ERC1: variants seen among roughly 807,000 people sequenced by gnomAD.
ERC1 encodes the protein ELKS/RAB6-interacting/CAST family member 1.
In ERC1, 56 loss-of-function variants were observed where a neutral mutation model predicts 132.0. That is an observed-to-expected ratio of 0.42 (90% CI 0.34 to 0.53). The LOEUF (loss-of-function observed/expected upper bound fraction) is 0.53, where lower values mean the gene tolerates loss of function less well. Among genes scored for constraint, ERC1 ranks in the 20% least tolerant of loss-of-function variants. ERC1 has a pLI of 0.03. For synonymous variants in ERC1, 478 were observed against 476.1 expected (o/e 1.00, Z -0.05); for missense variants, 1,202 against 1,349.9 (o/e 0.89, Z 1.72).
chr12:1,317,481 C>T (rs1260520579), intron 15 of ERC1, among the ~76,000 whole-genome samples: 1 of 152,102 alleles, frequency 6.6e-6, no homozygotes, highest in African/African-American at 2.4e-5. Flanking sequence ...AGCAAACCAC[C>T]ATGGCACATG....
At chr12:1,126,393 A>G (rs1042575450) in intron 7 of ERC1, among the ~76,000 whole-genome samples, 1 of 152,198 alleles carries the variant, frequency 6.6e-6, no homozygotes, top group African/African-American at 2.4e-5. Context: ...ACTAGTGCAA[A>G]ATTAAGCAAG....
chr12:1,473,314 A>G (rs991636992), intron 18 of ERC1, among the ~76,000 whole-genome samples: 1 of 152,218 alleles, frequency 6.6e-6, no homozygotes, highest in Non-Finnish European at 1.5e-5. Context: ...GGTGTGAGCC[A>G]CTGCGCCCGG....
rs1206901849 is a variant in ERC1, at chr12:1,000,062, C to A, written c.-157+8740C>A. Among the ~76,000 whole-genome samples, 3 of 152,142 alleles carry A rather than the reference C, an allele frequency of 2.0e-5. 1 individual carries two copies. The highest frequency in any genetic ancestry group is 7.2e-5 in the African/African-American group (3 of 41,432). On this transcript the variant is annotated intron_variant, in intron 1 of 18. Coordinates refer to ENST00000360905, the MANE Select transcript of ERC1 (RefSeq NM_178040.4). Reference sequence around the variant, plus strand: ...AAGAATGAAACTAAACACCTGTATTCTTTTTAACTTTATTATGGTGTGCTA... The same window carrying A: ...AAGAATGAAACTAAACACCTGTATTATTTTTAACTTTATTATGGTGTGCTA...
intron 18 of ERC1, among the ~76,000 whole-genome samples, chr12:1,473,281 C>T (rs1384839644): frequency 6.6e-6 from 1 of 152,186 alleles, no homozygotes; most frequent in Non-Finnish European, 1.5e-5. Flanking sequence ...CCCACCTTGG[C>T]CTCCCAAAGT....
At chr12:1,487,998 C>T (rs937870350) in intron 18 of ERC1, among the ~76,000 whole-genome samples, 20 of 151,858 alleles carry the variant, frequency 1.3e-4, no homozygotes, top group Admixed American at 7.2e-4. Context: ...ATTAGCTGGG[C>T]GTGGTAGCAG....
chr12:1,361,889 A>G (rs1197722318), intron 15 of ERC1, among the ~76,000 whole-genome samples: 3 of 152,050 alleles, frequency 2.0e-5, no homozygotes, highest in Non-Finnish European at 4.4e-5. Context: ...GACCTTCTTT[A>G]GAGCCATGGG....
At chr12:1,019,330 G>C (rs1037083916) in intron 1 of ERC1, among the ~76,000 whole-genome samples, 1 of 152,136 alleles carries the variant, frequency 6.6e-6, no homozygotes, top group African/African-American at 2.4e-5. Flanking sequence ...TTGCCATGTT[G>C]CCCAGGCCAG....
At chr12:1,180,282 T>TGCGC (rs112331784) in intron 8 of ERC1, among the ~76,000 whole-genome samples, 9 of 144,214 alleles carry the variant, frequency 6.2e-5, no homozygotes, top group African/African-American at 2.3e-4. Context: ...TGTGTGTGTG[T>TGCGC]GCGCGCACGC....
chr12:1,029,905 G>A (rs1000332107), intron 2 of ERC1, among the ~76,000 whole-genome samples: 1 of 151,876 alleles, frequency 6.6e-6, no homozygotes, highest in African/African-American at 2.4e-5. Flanking sequence ...CCGCCACCAC[G>A]CCTGGCTAAT....
chr12:1,261,467 T>C (rs1354357979), intron 13 of ERC1, among the ~76,000 whole-genome samples: 1 of 152,232 alleles, frequency 6.6e-6, no homozygotes, highest in Non-Finnish European at 1.5e-5. Context: ...GAACTAATCA[T>C]TGCATCCATC....
intron 15 of ERC1, among the ~76,000 whole-genome samples, chr12:1,326,810 C>T (rs539111844): frequency 1.2e-3 from 179 of 152,238 alleles, no homozygotes; most frequent in African/African-American, 4.1e-3. Flanking sequence ...AAGTAGAACT[C>T]CCTGTTTCTG....
intron 14 of ERC1, among the ~76,000 whole-genome samples, chr12:1,289,067 C>T (rs1353019078): frequency 5.1e-5 from 7 of 138,232 alleles, no homozygotes; most frequent in Non-Finnish European, 1.1e-4. Flanking sequence ...CATTCTGTCT[C>T]CTTTCTATCT....
intron 12 of ERC1, among the ~76,000 whole-genome samples, chr12:1,204,257 CTT>C (rs112909125): frequency 6.8e-6 from 1 of 146,812 alleles, no homozygotes; most frequent in African/African-American, 2.5e-5. Context: ...TTTTAGACAA[CTT>C]TTTTTTTTTT....
chr12:1,247,897 G>A (rs2076251663), intron 13 of ERC1, among the ~76,000 whole-genome samples: 1 of 152,206 alleles, frequency 6.6e-6, no homozygotes, highest in Non-Finnish European at 1.5e-5. Flanking sequence ...TCAGGAGGCT[G>A]AGGCAGGAGA....
chr12:1,261,266 A>G (rs76130640), intron 13 of ERC1, among the ~76,000 whole-genome samples: 3,884 of 152,346 alleles, frequency 0.025, 73 homozygotes, highest in South Asian at 0.081. Context: ...AAACAGTTTA[A>G]GAGTGGGATA....
intron 10 of ERC1, among the ~76,000 whole-genome samples, 178 bp downstream of exon 10, chr12:1,182,243 G>A (rs978686399): frequency 1.3e-5 from 2 of 152,124 alleles, no homozygotes; most frequent in African/African-American, 2.4e-5. Context: ...GAGACATAGC[G>A]GATTGGTTCA....
intron 16 of ERC1, among the ~76,000 whole-genome samples, chr12:1,394,217 G>A (rs11061747): frequency 0.49 from 72,682 of 149,478 alleles, 19,493 homozygotes; most frequent in African/African-American, 0.73. Flanking sequence ...TGGCTAACAC[G>A]GTGAAACCCC....
intron 15 of ERC1, among the ~76,000 whole-genome samples, chr12:1,335,213 CTTTA>C: frequency 6.6e-6 from 1 of 152,120 alleles, no homozygotes; most frequent in Non-Finnish European, 1.5e-5. Context: ...TTTGGATACC[CTTTA>C]TTTCTTTCTT....
At chr12:1,183,206 C>A (rs1954676141) in intron 10 of ERC1, 75 bp from the exon 11 acceptor site, 7 of 966,268 alleles carry the variant, frequency 7.2e-6, no homozygotes, top group Non-Finnish European at 1.0e-5. Flanking sequence ...ATTACAGCTA[C>A]CATGATAAAT....
Sources: gnomAD v4.1 joint callset for allele counts (sites outside exome capture counted in the v4.1 genomes callset) on GRCh38, gnomAD v4.1.1 for gene constraint, MANE v1.5 for transcripts, NCBI Gene and HGNC (gene_info 2026-07-23, HGNC 2026-07-21) for gene names.